MTUS1: variants seen among roughly 807,000 people sequenced by gnomAD.
MTUS1 encodes the protein microtubule-associated tumor suppressor 1.
In MTUS1, 109 loss-of-function variants were observed where a neutral mutation model predicts 120.8. The ratio of observed to expected loss-of-function variants is 0.90; its 90% CI spans 0.77 to 1.06. The LOEUF (loss-of-function observed/expected upper bound fraction) is 1.06. Among genes scored for constraint, MTUS1 ranks in the 50% least tolerant of loss-of-function variants. The pLI is 0.00. For missense variants in MTUS1, 2,210 were observed against 1,486.3 expected (o/e 1.49, Z -8.01); for synonymous variants, 737 against 550.5 (o/e 1.34, Z -4.74).
chr8:17,778,136 C>T (rs1023134668), intron 1 of MTUS1, among the ~76,000 whole-genome samples: 1 of 151,992 alleles, frequency 6.6e-6, no homozygotes, highest in Non-Finnish European at 1.5e-5. Flanking sequence ...ATGTCCATCA[C>T]GGGTAGATTA....
chr8:17,728,814 C>T (rs1182523941), intron 3 of MTUS1, among the ~76,000 whole-genome samples: 1 of 152,016 alleles, frequency 6.6e-6, no homozygotes, highest in Non-Finnish European at 1.5e-5. Context: ...GCTTTTTTAG[C>T]ATTTACATCA....
intron 6 of MTUS1, among the ~76,000 whole-genome samples, chr8:17,702,255 T>C (rs1264215660): frequency 6.6e-6 from 1 of 152,240 alleles, no homozygotes; most frequent in Non-Finnish European, 1.5e-5. Flanking sequence ...GGTGCTAACA[T>C]TAAGAAATAA....
In MTUS1 at chr8:17,754,836, T is replaced by A. The variant is rs41528945; in HGVS notation, c.972A>T (p.Ser324=). Residue 324 remains serine, a synonymous_variant, in exon 2 of 15, where the codon TCA becomes TCT. Transcript: ENST00000693296. ...TTTCCTTGTGCCTGTATGAGCTCTGTGAATGTGGTTCGCTATTGGATTCAT... is the reference window on the plus strand; with the variant it reads ...TTTCCTTGTGCCTGTATGAGCTCTGAGAATGTGGTTCGCTATTGGATTCAT... The part of the protein sequence containing the change: ...SHDESNSEPH[S]QSSYRHKEMG... 2.0e-3 allele frequency: 3,198 copies of A among 1,614,220 alleles called. 50 individuals are homozygous for A. In the African/African-American group the frequency reaches 0.036, roughly 18 times the overall value.
intron 7 of MTUS1, among the ~76,000 whole-genome samples, chr8:17,676,958 C>G (rs981018434): frequency 1.3e-5 from 2 of 152,252 alleles, no homozygotes; most frequent in South Asian, 2.1e-4. Flanking sequence ...GTTCTCACCT[C>G]TCAGTAAGAG....
At chr8:17,798,211 C>A (rs1260861603) in intron 1 of MTUS1, among the ~76,000 whole-genome samples, 1 of 152,174 alleles carries the variant, frequency 6.6e-6, no homozygotes, top group African/African-American at 2.4e-5. Context: ...GATGTTGTTC[C>A]TAATAGTATA....
At chr8:17,724,544 A>G (rs549994929) in intron 3 of MTUS1, among the ~76,000 whole-genome samples, 2 of 152,056 alleles carry the variant, frequency 1.3e-5, no homozygotes, top group South Asian at 4.1e-4. Flanking sequence ...TTATTTGCCA[A>G]ACTTAAATGA....
At chr8:17,793,167 T>C (rs943437203) in intron 1 of MTUS1, among the ~76,000 whole-genome samples, 1 of 152,232 alleles carries the variant, frequency 6.6e-6, no homozygotes, top group Non-Finnish European at 1.5e-5. Flanking sequence ...TCATAAATCA[T>C]GAGTGGAATC....
chr8:17,771,371 C>G (rs2050011361), intron 1 of MTUS1, among the ~76,000 whole-genome samples: 1 of 152,108 alleles, frequency 6.6e-6, no homozygotes. Context: ...TTTTGAATAT[C>G]AAAACAAAAT....
chr8:17,658,153 T>G (rs1808867767), intron 8 of MTUS1, among the ~76,000 whole-genome samples: 1 of 151,882 alleles, frequency 6.6e-6, no homozygotes, highest in Admixed American at 6.6e-5. Context: ...TTCTCCTGCC[T>G]CAGCCTCCTC....
intron 1 of MTUS1, chr8:17,770,489 G>C (rs151138671): frequency 8.7e-4 from 133 of 152,216 alleles, no homozygotes; most frequent in African/African-American, 3.2e-3. Flanking sequence ...TGTCTTATTC[G>C]AGTTATCTGT....
rs2048537583 is a variant in MTUS1 at position 17,755,440 on chromosome 8, G to T, written c.368C>A (p.Ser123Tyr). The part of the protein sequence containing the change: ...KPKYLQHSCH[S>Y]LEAVEGQSVE... ...ACTCTGGCCCTCAACTGCTTCTAGG[G>T]AATGACAACTGTGTTGCAGATATTT... Residue 123 changes from serine (S) to tyrosine (Y), a missense_variant, in exon 2 of 15, where the codon TCC (serine) becomes TAC (tyrosine). Coordinates refer to ENST00000693296, the MANE Select transcript of MTUS1 (RefSeq NM_001363059.2). 6.2e-7 allele frequency: 1 copy of T among 1,614,086 alleles called. No homozygotes were observed. The highest frequency in any genetic ancestry group is 8.5e-7 in the Non-Finnish European group (1 of 1,180,042).
At chr8:17,765,138 C>T (rs1331630867) in intron 1 of MTUS1, among the ~76,000 whole-genome samples, 2 of 152,100 alleles carry the variant, frequency 1.3e-5, no homozygotes, top group African/African-American at 4.8e-5. Context: ...CAATAGGGTT[C>T]ACACTCCCAG....
chr8:17,677,576 A>G (rs1042687453), intron 7 of MTUS1, among the ~76,000 whole-genome samples: 2 of 152,186 alleles, frequency 1.3e-5, no homozygotes, highest in Admixed American at 6.5e-5. Context: ...ACACCAGGTG[A>G]TATTTTTGCT....
intron 2 of MTUS1, among the ~76,000 whole-genome samples, chr8:17,751,263 C>T (rs1330471347): frequency 6.6e-6 from 1 of 152,130 alleles, no homozygotes; most frequent in Admixed American, 6.5e-5. Flanking sequence ...CGCGCCACTG[C>T]ACTCCATCCT....
chr8:17,787,194 G>A (rs908323422), intron 1 of MTUS1, among the ~76,000 whole-genome samples: 2 of 152,142 alleles, frequency 1.3e-5, no homozygotes, highest in African/African-American at 4.8e-5. Flanking sequence ...AGTTTGTGAG[G>A]CCAGGATGAG....
intron 1 of MTUS1, among the ~76,000 whole-genome samples, chr8:17,775,138 G>A (rs192046659): frequency 5.3e-5 from 8 of 152,098 alleles, no homozygotes; most frequent in African/African-American, 1.9e-4. Flanking sequence ...TACAGTTTCT[G>A]TGTGGGATGA....
At chr8:17,709,439 T>C (rs189791514) in intron 6 of MTUS1, among the ~76,000 whole-genome samples, 2 of 152,200 alleles carry the variant, frequency 1.3e-5, no homozygotes, top group African/African-American at 4.8e-5. Flanking sequence ...TTTTATTTTA[T>C]TTTTTTAACT....
chr8:17,762,331 A>G (rs1436078922), intron 1 of MTUS1, among the ~76,000 whole-genome samples: 3 of 152,206 alleles, frequency 2.0e-5, no homozygotes, highest in Admixed American at 6.5e-5. Flanking sequence ...AAATGTCATC[A>G]GCAGCATGTA....
At chr8:17,794,071 T>C (rs1258518489) in intron 1 of MTUS1, among the ~76,000 whole-genome samples, 2 of 152,176 alleles carry the variant, frequency 1.3e-5, no homozygotes, top group Non-Finnish European at 2.9e-5. Context: ...CTCACGTCTG[T>C]AGTCCCAGCA....
Sources: gnomAD v4.1 joint callset for allele counts (sites outside exome capture counted in the v4.1 genomes callset) on GRCh38, gnomAD v4.1.1 for gene constraint, MANE v1.5 for transcripts, NCBI Gene and HGNC (gene_info 2026-07-23, HGNC 2026-07-21) for gene names.